PSME3IP1: variants seen among roughly 807,000 people sequenced by gnomAD.
The protein encoded by PSME3IP1 is PSME3-interacting protein.
Under a neutral mutation model 34.1 loss-of-function variants are expected in PSME3IP1, and 13 were observed. The ratio of observed to expected loss-of-function variants is 0.38; its 90% CI spans 0.25 to 0.61. PSME3IP1 has a LOEUF of 0.61. Ranked by LOEUF, PSME3IP1 falls within the 20% of genes least tolerant of loss-of-function variation. PSME3IP1 has a pLI of 0.60. For missense variants in PSME3IP1, 237 were observed against 301.4 expected, an observed-to-expected ratio of 0.79 and a Z score of 1.58; for synonymous variants, 93 against 114.3, an observed-to-expected ratio of 0.81 and a Z score of 1.19.
chr16:57,178,027 A>G (rs1010822203), intron 1 of PSME3IP1, among the ~76,000 whole-genome samples: 5 of 152,270 alleles, frequency 3.3e-5, no homozygotes, highest in South Asian at 2.1e-4. Context: ...AACTAATATC[A>G]TAATTCTGGC....
Position 57,165,485 on chromosome 16 carries a change from C to T in PSME3IP1, c.483-1420G>A, listed in dbSNP as rs550563299. Among the ~76,000 whole-genome samples the T allele has an allele frequency of 7.2e-5, 11 of 152,140 alleles. No homozygotes were observed. The South Asian group carries it at 2.3e-3, about 32-fold the overall frequency. ...AACTAGAAGAGAGTAAAGAATATTC[C>T]TTTGAAGAAGGTAAGAAATTGCTGC... On this transcript the variant is annotated intron_variant, in intron 5 of 6. Coordinates refer to ENST00000309137, the MANE Select transcript of PSME3IP1 (RefSeq NM_024946.4).
chr16:57,176,110 T>C (rs2073148592), intron 1 of PSME3IP1, among the ~76,000 whole-genome samples: 1 of 152,238 alleles, frequency 6.6e-6, no homozygotes. Context: ...GTTCAGTCTC[T>C]GTGAAAATGC....
chr16:57,181,158 G>A (rs2073672359), intron 1 of PSME3IP1, among the ~76,000 whole-genome samples: 1 of 152,182 alleles, frequency 6.6e-6, no homozygotes. Flanking sequence ...CACACTAGAA[G>A]AAAGATAACT....
chr16:57,173,688 G>C, intron 2 of PSME3IP1, 40 bp downstream of exon 2: 1 of 1,609,848 alleles, frequency 6.2e-7, no homozygotes, highest in Non-Finnish European at 8.5e-7. Flanking sequence ...CAGGGTTGCT[G>C]TGTGGATTAA....
intron 5 of PSME3IP1, among the ~76,000 whole-genome samples, chr16:57,165,046 AAAAAG>A (rs1185262261): frequency 3.6e-5 from 5 of 139,534 alleles, no homozygotes; most frequent in African/African-American, 8.0e-5. Flanking sequence ...AAAGAAAAAG[AAAAAG>A]AAAAGAAAAA....
At position 57,185,861 on chromosome 16, in the gene PSME3IP1, C is replaced by G. The variant is rs2074134968; in HGVS notation, c.-56G>C. The stretch of plus-strand genomic sequence containing the variant: ...AGGCGAGACGACCTCACCTCGGCGG[C>G]GCCCACCCCAAACCGCCACCGCAGA... On this transcript the variant is annotated 5_prime_UTR_variant, in exon 1 of 7. Coordinates refer to ENST00000309137, the MANE Select transcript of PSME3IP1 (RefSeq NM_024946.4). The G allele has an allele frequency of 1.0e-6, 1 of 983,866 alleles. No homozygotes were observed. The highest frequency in any genetic ancestry group is 1.8e-5 in the African/African-American group (1 of 56,624). 60.9% of individuals were successfully genotyped at this position (983,866 alleles called of 1,614,324 possible). A position where few individuals can be genotyped will look rare whatever the true frequency, so the allele number is the denominator to read the frequency against.
At chr16:57,164,967 G>A (rs530229627) in intron 5 of PSME3IP1, among the ~76,000 whole-genome samples, 17 of 151,618 alleles carry the variant, frequency 1.1e-4, no homozygotes, top group Non-Finnish European at 2.4e-4. Flanking sequence ...GGAGGCACAG[G>A]TGTGCCAAGA....
chr16:57,172,068 G>A (rs991060728), intron 4 of PSME3IP1, among the ~76,000 whole-genome samples, 183 bp downstream of exon 4: 1 of 152,124 alleles, frequency 6.6e-6, no homozygotes, highest in Non-Finnish European at 1.5e-5. Context: ...TAACACTCTT[G>A]CACACAACAC....
At chr16:57,171,905 G>A (rs746778113) in intron 4 of PSME3IP1, among the ~76,000 whole-genome samples, 4 of 152,176 alleles carry the variant, frequency 2.6e-5, no homozygotes, top group African/African-American at 9.7e-5. Context: ...AAGAATATAG[G>A]AAAGTTGCTA....
intron 1 of PSME3IP1, among the ~76,000 whole-genome samples, chr16:57,180,067 C>G (rs899795004): frequency 2.0e-5 from 3 of 152,142 alleles, no homozygotes; most frequent in Non-Finnish European, 4.4e-5. Context: ...GTATTTATTA[C>G]TAGGCAAAGT....
In PSME3IP1 at chr16:57,154,644, C is replaced by T; in HGVS notation, c.548-137G>A. The T allele has an allele frequency of 4.5e-6, 3 of 664,740 alleles. No individual in the cohort carries two copies. Among genetic ancestry groups the T allele is most frequent in the Non-Finnish European group, 7.3e-6 (3 of 412,240 alleles). 41.2% of individuals were successfully genotyped at this position (664,740 alleles called of 1,614,324 possible). On this transcript the variant is annotated intron_variant, in intron 6 of 6. Transcript: ENST00000309137. The surrounding 1 kb of genome is among the most constrained non-coding windows in gnomAD (Gnocchi z 4.0). ...AACAATGCTATGCAGCCAATACTATCATCACCCTCGTTTTAGAGATGGGGA... is the reference window on the plus strand; with the variant it reads ...AACAATGCTATGCAGCCAATACTATTATCACCCTCGTTTTAGAGATGGGGA...
rs1005336624 is a variant in PSME3IP1, at chr16:57,185,625, G to A, written c.-16+196C>T. The A allele has an allele frequency of 4.6e-5, 45 of 985,492 alleles. 1 individual carries two copies. The Admixed American group carries it at 7.4e-4, about 16-fold the overall frequency. The allele number at this position is 985,492 out of a possible 1,614,324, so 61.0% of individuals were successfully genotyped here. ...AAAGGGTCCTCGCCGCGACCCAGATGCCTTCCCGCGGGCACCCTCAGCTCC... is the reference window on the plus strand; with the variant it reads ...AAAGGGTCCTCGCCGCGACCCAGATACCTTCCCGCGGGCACCCTCAGCTCC... On this transcript the variant is annotated intron_variant, in intron 1 of 6. Transcript: ENST00000309137.
intron 4 of PSME3IP1, 110 bp downstream of exon 4, chr16:57,172,141 G>C (rs1393151089): frequency 6.2e-5 from 72 of 1,161,186 alleles, no homozygotes; most frequent in Non-Finnish European, 6.1e-5. Flanking sequence ...AAAGGGACTT[G>C]AGAGATCACC....
At chr16:57,162,431 G>A (rs1040601449) in intron 6 of PSME3IP1, among the ~76,000 whole-genome samples, 3 of 152,022 alleles carry the variant, frequency 2.0e-5, no homozygotes, top group South Asian at 2.1e-4. Context: ...TTGGGAGGCC[G>A]AGGCAGGTGG....
Position 57,152,590 on chromosome 16 carries a change from G to A in PSME3IP1, c.*1700C>T, listed in dbSNP as rs1265200817. The stretch of plus-strand genomic sequence containing the variant: ...ACAGTAATGGCCTCTTAAGAGTCAT[G>A]CCACATAAAGATGATGACTTTGATG... On this transcript the variant is annotated 3_prime_UTR_variant, in exon 7 of 7. Transcript: ENST00000309137. 1.3e-5 allele frequency: 2 copies of A among 152,622 alleles called. No homozygotes were observed. The highest frequency in any genetic ancestry group is 2.9e-5 in the Non-Finnish European group (2 of 68,042). 9.5% of individuals were successfully genotyped at this position (152,622 alleles called of 1,614,324 possible).
intron 6 of PSME3IP1, among the ~76,000 whole-genome samples, chr16:57,157,373 T>C (rs971463170): frequency 6.6e-6 from 1 of 151,208 alleles, no homozygotes; most frequent in East Asian, 1.9e-4. Context: ...GTGTGTACTG[T>C]TATTGAATGA....
intron 1 of PSME3IP1, 46 bp from the exon 2 acceptor site, chr16:57,173,915 C>T: frequency 6.4e-7 from 1 of 1,563,508 alleles, no homozygotes; most frequent in South Asian, 1.2e-5. Context: ...CAAGTGAGAA[C>T]TGCAATTAAA....
Position 57,153,743 on chromosome 16 carries a change from TATC to T in PSME3IP1, c.*544_*546del, listed in dbSNP as rs1425264993. On this transcript the variant is annotated 3_prime_UTR_variant, in exon 7 of 7. Coordinates refer to ENST00000309137, the MANE Select transcript of PSME3IP1 (RefSeq NM_024946.4). ...AGTGACACCCCCAGCAGATGGGGTT[TATC>T]ATCTTTACTTAGTCACACAACATCA... 6.5e-6 allele frequency: 1 copy of T among 153,026 alleles called. No individual in the cohort carries two copies. The highest frequency in any genetic ancestry group is 1.5e-5 in the Non-Finnish European group (1 of 68,682). The allele number at this position is 153,026 out of a possible 1,614,324, so 9.5% of individuals were successfully genotyped here.
chr16:57,173,197 A>G (rs1413443090), intron 2 of PSME3IP1, among the ~76,000 whole-genome samples: 1 of 152,178 alleles, frequency 6.6e-6, no homozygotes, highest in Non-Finnish European at 1.5e-5. Context: ...GTATAGATGG[A>G]GGAGAGGAGC....
Sources: allele counts gnomAD v4.1 joint callset (sites outside exome capture counted in the v4.1 genomes callset), GRCh38; gene constraint gnomAD v4.1.1; non-coding constraint Gnocchi (gnomAD v3.1); transcripts MANE v1.5; gene names NCBI Gene and HGNC (gene_info 2026-07-23, HGNC 2026-07-21).